Variants in TM9SF3 observed in about 807,000 individuals in gnomAD.
TM9SF3 encodes transmembrane 9 superfamily member 3, also known as SM-11044-binding protein.
In TM9SF3, 14 loss-of-function variants were observed where a neutral mutation model predicts 78.6. The observed-to-expected ratio is 0.18, with a 90% confidence interval of 0.12 to 0.28. The LOEUF (loss-of-function observed/expected upper bound fraction) is 0.28, where lower values mean the gene tolerates loss of function less well. Ranked by LOEUF, TM9SF3 falls within the 10% of genes least tolerant of loss-of-function variation. The pLI, the probability that TM9SF3 is intolerant of heterozygous loss-of-function variation, is 1.00. For synonymous variants in TM9SF3, 231 were observed against 241.7 expected, an observed-to-expected ratio of 0.96 and a Z score of 0.41; for missense variants, 496 against 721.9, an observed-to-expected ratio of 0.69 and a Z score of 3.59.
intron 3 of TM9SF3, among the ~76,000 whole-genome samples, chr10:96,564,877 T>C (rs1848351663): frequency 6.6e-6 from 1 of 152,034 alleles, no homozygotes; most frequent in Admixed American, 6.5e-5. Flanking sequence ...TTTAGCAAAA[T>C]AAGCCATTCA....
intron 1 of TM9SF3, 110 bp from the exon 2 acceptor site, chr10:96,576,939 G>A: frequency 1.3e-6 from 1 of 793,828 alleles, no homozygotes; most frequent in South Asian, 3.3e-5. Flanking sequence ...TGTTCAGGAA[G>A]CTATAAAATA....
chr10:96,560,085 A>C, intron 4 of TM9SF3: 1 of 604,174 alleles, frequency 1.7e-6, no homozygotes. Flanking sequence ...GAATCTGTAC[A>C]TCTGCCTGGT....
intron 10 of TM9SF3, among the ~76,000 whole-genome samples, 156 bp downstream of exon 10, chr10:96,532,895 T>C (rs1847914038): frequency 6.6e-6 from 1 of 152,226 alleles, no homozygotes; most frequent in Non-Finnish European, 1.5e-5. Flanking sequence ...CTTAACAATG[T>C]AGGTTAAAGG....
chr10:96,524,758 TTTAA>T (rs1847819842), intron 14 of TM9SF3, among the ~76,000 whole-genome samples: 1 of 151,988 alleles, frequency 6.6e-6, no homozygotes, highest in Non-Finnish European at 1.5e-5. Context: ...ATATTTTTGT[TTTAA>T]TTACTGACAA....
chr10:96,531,817 T>C (rs1283956488), intron 10 of TM9SF3, among the ~76,000 whole-genome samples: 1 of 152,136 alleles, frequency 6.6e-6, no homozygotes, highest in Non-Finnish European at 1.5e-5. Flanking sequence ...AGAGGAACTT[T>C]TGTGACTTCT....
At chr10:96,548,962 T>A (rs1297665724) in intron 7 of TM9SF3, among the ~76,000 whole-genome samples, 3 of 152,174 alleles carry the variant, frequency 2.0e-5, no homozygotes, top group Non-Finnish European at 4.4e-5. Flanking sequence ...AAAAATCTGC[T>A]GAGGGAGGCA....
rs1169381665 is a variant in TM9SF3, at chr10:96,586,848, T to G, written c.-13A>C. 2 of 1,207,312 alleles carry G rather than the reference T, an allele frequency of 1.7e-6. No homozygotes were observed. Among genetic ancestry groups the G allele is most frequent in the East Asian group, 7.0e-5 (2 of 28,532 alleles). 74.8% of individuals were successfully genotyped at this position (1,207,312 alleles called of 1,614,324 possible). A position where few individuals can be genotyped will look rare whatever the true frequency, so the allele number is the denominator to read the frequency against. ...GCAGCGGCCTCATCCTCCGCGCCCC[T>G]CCGGCCCGGAGCCGGCTCACCGACT... On this transcript the variant is annotated 5_prime_UTR_variant, in exon 1 of 15. Transcript: ENST00000371142.
rs1202596108 is a variant in TM9SF3 at position 96,518,448 on chromosome 10, A to ATATC, written c.*3811_*3814dup. The ATATC allele has an allele frequency of 6.6e-6, 1 of 152,164 alleles. No individual in the cohort carries two copies. The highest frequency in any genetic ancestry group is 1.5e-5 in the Non-Finnish European group (1 of 68,004). The allele number at this position is 152,164 out of a possible 1,614,324, so 9.4% of individuals were successfully genotyped here. On this transcript the variant is annotated 3_prime_UTR_variant, in exon 15 of 15. Coordinates refer to ENST00000371142, the MANE Select transcript of TM9SF3 (RefSeq NM_020123.4). Reference sequence around the variant, plus strand: ...TATTTCTTTCTTGCCTTAAGCTCTTATATCTTTCAAATGACCTAAGCTGAT... The same window carrying ATATC: ...TATTTCTTTCTTGCCTTAAGCTCTTATATCTATCTTTCAAATGACCTAAGCTGAT...
intron 9 of TM9SF3, chr10:96,543,752 T>C (rs778192073): frequency 2.5e-5 from 4 of 161,720 alleles, no homozygotes; most frequent in African/African-American, 4.8e-5. Flanking sequence ...TGTTTTGTGA[T>C]TGTCATGATT....
chr10:96,582,125 A>G (rs760239154), intron 1 of TM9SF3, among the ~76,000 whole-genome samples: 2 of 152,112 alleles, frequency 1.3e-5, no homozygotes, highest in Non-Finnish European at 2.9e-5. Flanking sequence ...AAAAAATCTG[A>G]CTTTGTGATC....
intron 9 of TM9SF3, among the ~76,000 whole-genome samples, chr10:96,537,637 A>G (rs1847975653): frequency 6.6e-6 from 1 of 152,222 alleles, no homozygotes; most frequent in Admixed American, 6.5e-5. Flanking sequence ...GTTCGAGGCA[A>G]GCCTGGCCAA....
chr10:96,550,130 A>C (rs1848149990), intron 7 of TM9SF3, among the ~76,000 whole-genome samples: 1 of 152,204 alleles, frequency 6.6e-6, no homozygotes, highest in Admixed American at 6.5e-5. Context: ...GCGGTAAATG[A>C]ATTAGAAAGG....
rs986502932 is a variant in TM9SF3, at chr10:96,521,062, A to T, written c.*1201T>A. 4.1e-5 allele frequency: 16 copies of T among 391,408 alleles called. No individual in the cohort carries two copies. Among genetic ancestry groups the T allele is most frequent in the Non-Finnish European group, 7.2e-5 (16 of 220,876 alleles). The allele number at this position is 391,408 out of a possible 1,614,324, so 24.2% of individuals were successfully genotyped here. ...TACTTAAGTGTCCCAGACAGGATTA[A>T]CAAAATTAAGTGTCTCTAAATTACA... is the stretch of plus-strand genomic sequence containing the variant. On this transcript the variant is annotated 3_prime_UTR_variant, in exon 15 of 15. Transcript: ENST00000371142.
At chr10:96,562,366 C>T (rs1260558686) in intron 3 of TM9SF3, among the ~76,000 whole-genome samples, 1 of 151,902 alleles carries the variant, frequency 6.6e-6, no homozygotes, top group African/African-American at 2.4e-5. Context: ...CCTGCAGAAC[C>T]GTGAGCCAAT....
Position 96,576,833 on chromosome 10 carries a change from A to G in TM9SF3, c.103-4T>C. 1 of 1,497,914 alleles carries G rather than the reference A, an allele frequency of 6.7e-7. No individual in the cohort carries two copies. Among genetic ancestry groups the G allele is most frequent in the Non-Finnish European group, 8.9e-7 (1 of 1,127,398 alleles). 92.8% of individuals were successfully genotyped at this position (1,497,914 alleles called of 1,614,324 possible). On this transcript the variant is annotated splice_region_variant and splice_polypyrimidine_tract_variant and intron_variant, in intron 1 of 14. Coordinates refer to ENST00000371142, the MANE Select transcript of TM9SF3 (RefSeq NM_020123.4). ...CAACTTCCTCTTTATCTTGATACTG[A>G]AACAAGAAAAGCAAACAAGAATTAA...
chr10:96,578,464 C>T lies in TM9SF3; in HGVS notation c.103-1635G>A, dbSNP rs574580178. ...TTCACTTTGGCAGAGAAGGTCAGGA[C>T]GAATAACAATTTGGAAAATCATAAG... is the stretch of plus-strand genomic sequence containing the variant. On this transcript the variant is annotated intron_variant, in intron 1 of 14. Transcript: ENST00000371142. 4.6e-5 allele frequency among the ~76,000 whole-genome samples: 7 copies of T among 152,164 alleles called. No individual in the cohort carries two copies. The East Asian group carries it at 5.8e-4, about 13-fold the overall frequency.
chr10:96,525,381 T>C (rs1249112926), intron 14 of TM9SF3, among the ~76,000 whole-genome samples: 2 of 152,040 alleles, frequency 1.3e-5, no homozygotes, highest in Non-Finnish European at 2.9e-5. Flanking sequence ...CATGTGACTA[T>C]AACATAGAGA....
chr10:96,581,572 T>C (rs1848570002), intron 1 of TM9SF3, among the ~76,000 whole-genome samples: 2 of 152,222 alleles, frequency 1.3e-5, no homozygotes, highest in Admixed American at 1.3e-4. Flanking sequence ...CTAAATAAAC[T>C]TTCAGTCTAT....
chr10:96,518,664 G>A lies in TM9SF3; in HGVS notation c.*3599C>T, dbSNP rs1847723589. The A allele has an allele frequency of 6.6e-6, 1 of 152,076 alleles. No individual in the cohort carries two copies. Among genetic ancestry groups the A allele is most frequent in the Non-Finnish European group, 1.5e-5 (1 of 67,956 alleles). The allele number at this position is 152,076 out of a possible 1,614,324, so 9.4% of individuals were successfully genotyped here. A position where few individuals can be genotyped will look rare whatever the true frequency, so the allele number is the denominator to read the frequency against. ...AGAATGCCAAATCAGATGGCTTTTA[G>A]GAAATGCTCATAGGAGAGAACTAGA... On this transcript the variant is annotated 3_prime_UTR_variant, in exon 15 of 15. Transcript: ENST00000371142.
Sources: gnomAD v4.1 joint callset for allele counts (sites outside exome capture counted in the v4.1 genomes callset) on GRCh38, gnomAD v4.1.1 for gene constraint, MANE v1.5 for transcripts, NCBI Gene and HGNC (gene_info 2026-07-23, HGNC 2026-07-21) for gene names.